The following EFHC2 variants were observed in gnomAD, a reference collection of about 807,000 sequenced individuals.
The protein encoded by EFHC2 is EF-hand domain-containing family member C2.
In EFHC2, 18 loss-of-function variants were observed where a neutral mutation model predicts 52.7. The observed-to-expected ratio is 0.34, with a 90% CI of 0.24 to 0.51. The LOEUF (loss-of-function observed/expected upper bound fraction) is 0.51, where lower values mean the gene tolerates loss of function less well. EFHC2 is among the 20% of genes least tolerant of loss of function. The probability of loss-of-function intolerance (pLI) is 0.97; values close to 1 mark genes in which losing one functional copy is unlikely to be tolerated. For synonymous variants in EFHC2, 203 were observed against 204.1 expected, an observed-to-expected ratio of 0.99 and a Z score of 0.04; for missense variants, 513 against 562.5, an observed-to-expected ratio of 0.91 and a Z score of 0.89.
chrX:44,316,907 C>A (rs2037986202), intron 1 of EFHC2, among the ~76,000 whole-genome samples: 1 of 112,092 alleles, frequency 8.9e-6, no homozygotes, highest in Non-Finnish European at 1.9e-5. Context: ...ACAACAGTTA[C>A]TACTGTTAGT....
chrX:44,309,449 C>G, intron 2 of EFHC2: 4 of 1,147,606 alleles, frequency 3.5e-6, no homozygotes, highest in Non-Finnish European at 4.8e-6. Flanking sequence ...AATGGGCTCT[C>G]TACTCCGAAA....
intron 11 of EFHC2, among the ~76,000 whole-genome samples, chrX:44,228,066 T>C (rs1287297906): frequency 8.9e-6 from 1 of 112,410 alleles, no homozygotes. Flanking sequence ...TTGGATCTTA[T>C]TGTGAGGACA....
intron 14 of EFHC2, among the ~76,000 whole-genome samples, chrX:44,158,609 G>A (rs1338027746): frequency 9.0e-6 from 1 of 110,840 alleles, no homozygotes; most frequent in Non-Finnish European, 1.9e-5. Flanking sequence ...GTGACTGGCT[G>A]GCTATGGAAG....
At chrX:44,204,463 C>T (rs1424926658) in intron 11 of EFHC2, among the ~76,000 whole-genome samples, 2 of 110,954 alleles carry the variant, frequency 1.8e-5, no homozygotes, top group Non-Finnish European at 3.8e-5. Context: ...AGTTGAAATC[C>T]AGCACAAATA....
Position 44,261,354 on chromosome X carries a change from T to A in EFHC2, c.383-56A>T, listed in dbSNP as rs774848071. The A allele has an allele frequency of 6.4e-5, 64 of 1,004,277 alleles. No individual in the cohort carries two copies. In the South Asian group the frequency reaches 1.5e-3, roughly 24 times the overall value. 82.8% of individuals were successfully genotyped at this position (1,004,277 alleles called of 1,213,427 possible). A position where few individuals can be genotyped will look rare whatever the true frequency, so the allele number is the denominator to read the frequency against. On this transcript the variant is annotated intron_variant, in intron 3 of 14. Coordinates refer to ENST00000420999, the MANE Select transcript of EFHC2 (RefSeq NM_025184.4). ...ATCATGTGGCTAACAAGTAAGAAGA[T>A]ACAGCACATTCACTAACAACCCTGA...
At chrX:44,334,600 C>T (rs2038106079) in intron 1 of EFHC2, among the ~76,000 whole-genome samples, 1 of 111,869 alleles carries the variant, frequency 8.9e-6, no homozygotes. Context: ...CTCAGCCTCC[C>T]GAGTAGCTGG....
Position 44,243,150 on chromosome X carries a change from C to G in EFHC2, c.1112-861G>C, listed in dbSNP as rs191643605. Among the ~76,000 whole-genome samples the G allele has an allele frequency of 1.6e-3, 175 of 111,284 alleles. 1 individual carries two copies. The highest frequency in any genetic ancestry group is 5.4e-3 in the African/African-American group (166 of 30,604). ...ACTCATTTGCGAGGCTGTACAATCT[C>G]AGAAGCAACCGTGCTCTCCAGAGCA... On this transcript the variant is annotated intron_variant, in intron 7 of 14. Transcript: ENST00000420999.
At chrX:44,253,896 C>G (rs780563317) in intron 4 of EFHC2, among the ~76,000 whole-genome samples, 11 of 112,376 alleles carry the variant, frequency 9.8e-5, no homozygotes, top group Non-Finnish European at 1.7e-4. Context: ...GGGTGCCCCT[C>G]TGGGACGAAG....
At chrX:44,306,021 G>T (rs901337447) in intron 2 of EFHC2, among the ~76,000 whole-genome samples, 1 of 111,486 alleles carries the variant, frequency 9.0e-6, no homozygotes, top group Admixed American at 9.5e-5. Context: ...ACTGAATTAA[G>T]AAGTGGACCC....
chrX:44,210,170 C>T (rs138307768), intron 11 of EFHC2, among the ~76,000 whole-genome samples: 190 of 111,452 alleles, frequency 1.7e-3, no homozygotes, highest in African/African-American at 6.0e-3. Flanking sequence ...TTGAGGACCA[C>T]TGTTATAAAG....
At chrX:44,241,088 C>T (rs1409702586) in intron 8 of EFHC2, among the ~76,000 whole-genome samples, 1 of 111,265 alleles carries the variant, frequency 9.0e-6, no homozygotes. Flanking sequence ...TCTTTTTCTT[C>T]TCCTTCTCCT....
In EFHC2 at chrX:44,162,697, C is replaced by T. The variant is rs929976057; in HGVS notation, c.2148+1225G>A. On this transcript the variant is annotated intron_variant, in intron 14 of 14. Transcript: ENST00000420999. ...GCCTTTTCCAGACCATGTCACTTTC[C>T]TACCTTGCTAACTCTTACTACTCAT... 2.7e-5 allele frequency among the ~76,000 whole-genome samples: 3 copies of T among 111,159 alleles called. No individual in the cohort carries two copies. The Admixed American group carries it at 2.9e-4, about 11-fold the overall frequency.
chrX:44,321,289 G>A (rs1391119104), intron 1 of EFHC2, among the ~76,000 whole-genome samples: 1 of 110,980 alleles, frequency 9.0e-6, no homozygotes, highest in African/African-American at 3.3e-5. Context: ...GGAGGTAGGA[G>A]GCAGGCACAG....
chrX:44,300,770 C>T (rs1462503367), intron 2 of EFHC2, among the ~76,000 whole-genome samples: 1 of 111,246 alleles, frequency 9.0e-6, no homozygotes, highest in East Asian at 2.8e-4. Context: ...CTGCAAGATT[C>T]TAAACCTCCC....
At chrX:44,330,663 C>G (rs962288613) in intron 1 of EFHC2, among the ~76,000 whole-genome samples, 6 of 111,840 alleles carry the variant, frequency 5.4e-5, no homozygotes, top group African/African-American at 2.0e-4. Flanking sequence ...CAGTGAGACT[C>G]TGTCTCCAAA....
intron 1 of EFHC2, among the ~76,000 whole-genome samples, chrX:44,313,339 C>T (rs1435178841): frequency 2.7e-5 from 3 of 111,656 alleles, no homozygotes; most frequent in African/African-American, 9.8e-5. Context: ...ACAGATACAA[C>T]TACCAAGGGT....
intron 2 of EFHC2, among the ~76,000 whole-genome samples, chrX:44,308,780 C>T (rs1395147132): frequency 1.8e-5 from 2 of 112,746 alleles, no homozygotes; most frequent in African/African-American, 6.4e-5. Flanking sequence ...CATGCTTAGT[C>T]TACACAAGTT....
At chrX:44,149,998 C>T (rs138921772) in intron 14 of EFHC2, among the ~76,000 whole-genome samples, 51 of 111,676 alleles carry the variant, frequency 4.6e-4, no homozygotes, top group African/African-American at 1.6e-3. Context: ...TACATAAATA[C>T]GTGTATATAC....
At chrX:44,191,944 T>C (rs1368745703) in intron 11 of EFHC2, among the ~76,000 whole-genome samples, 6 of 111,797 alleles carry the variant, frequency 5.4e-5, no homozygotes, top group Admixed American at 2.9e-4. Context: ...TATACTCTCT[T>C]TCTGAGTTTC....
Sources: allele counts gnomAD v4.1 joint callset (sites outside exome capture counted in the v4.1 genomes callset), GRCh38; gene constraint gnomAD v4.1.1; transcripts MANE v1.5; gene names NCBI Gene and HGNC (gene_info 2026-07-23, HGNC 2026-07-21).